GRK1: variants seen among roughly 807,000 people sequenced by gnomAD.
GRK1 encodes the protein rhodopsin kinase GRK1.
GRK1 carries 28 observed loss-of-function variants against 41.7 expected under a neutral mutation model. The ratio of observed to expected loss-of-function variants is 0.67; its 90% CI spans 0.50 to 0.92. The LOEUF is 0.92. GRK1 is among the 40% of genes least tolerant of loss of function. The probability of loss-of-function intolerance (pLI) is 0.00; values close to 1 mark genes in which losing one functional copy is unlikely to be tolerated. For missense variants in GRK1, 703 were observed against 671.2 expected (o/e 1.05, Z -0.52); for synonymous variants, 327 against 286.7 (o/e 1.14, Z -1.42).
chr13:113,667,712 C>T lies in GRK1; in HGVS notation c.326C>T (p.Thr109Ile), dbSNP rs778552256. The stretch of plus-strand genomic sequence containing the variant: ...GACCTCCAGCCACAGAAGGCCCAGA[C>T]CATCCTGGCCCAGTACCTGGACCCC... Reference protein sequence around the residue: ...DNDLQPQKAQTILAQYLDPQA... With the variant: ...DNDLQPQKAQIILAQYLDPQA... The change falls in exon 1 of 7, where the codon ACC (threonine) becomes ATC (isoleucine). Residue 109 changes from threonine to isoleucine, a missense_variant. Thr to Ile is a moderately conservative substitution (Grantham distance 89). Transcript: ENST00000335678. This position sits in a 1 kb window ranked among gnomAD's most constrained non-coding sequence, Gnocchi z 7.5. The T allele has an allele frequency of 3.1e-6, 5 of 1,613,862 alleles. No homozygotes were observed. Among genetic ancestry groups the T allele is most frequent in the Non-Finnish European group, 4.2e-6 (5 of 1,179,904 alleles).
the GRK1 span, chr13:113,650,306 G>A: frequency 3.4e-6 from 4 of 1,186,374 alleles, no homozygotes; most frequent in African/African-American, 1.5e-5. The surrounding 1 kb of genome is among the most constrained non-coding windows in gnomAD (Gnocchi z 5.0). Flanking sequence ...TCACACCTTT[G>A]TTTCATTTTT....
intron 4 of GRK1, among the ~76,000 whole-genome samples, chr13:113,727,395 C>T (rs1275083001): frequency 6.6e-6 from 1 of 151,836 alleles, no homozygotes; most frequent in Non-Finnish European, 1.5e-5. Context: ...TGAGGTGTGG[C>T]CTGTGGTCTG....
intron 5 of GRK1, among the ~76,000 whole-genome samples, chr13:113,732,260 C>T (rs985465203): frequency 6.6e-6 from 1 of 152,182 alleles, no homozygotes; most frequent in Non-Finnish European, 1.5e-5. Context: ...CCACCCCTCT[C>T]CCTTCTGACT....
the GRK1 span, among the ~76,000 whole-genome samples, chr13:113,648,647 GTGTT>G: frequency 6.6e-6 from 1 of 152,218 alleles, no homozygotes; most frequent in African/African-American, 2.4e-5. Flanking sequence ...AACGAGAAGT[GTGTT>G]TGTAACTAAC....
chr13:113,655,842 C>G, the GRK1 span, among the ~76,000 whole-genome samples: 239 of 152,320 alleles, frequency 1.6e-3, no homozygotes, highest in African/African-American at 5.6e-3. Context: ...AGGGCAGGAC[C>G]AAGTCAGAGA....
chr13:113,728,594 C>T (rs1385419527), intron 4 of GRK1, among the ~76,000 whole-genome samples: 1 of 152,166 alleles, frequency 6.6e-6, no homozygotes, highest in Non-Finnish European at 1.5e-5. Context: ...TGCTCATCAC[C>T]ATGGCAGCAT....
the GRK1 span, among the ~76,000 whole-genome samples, chr13:113,655,139 G>A: frequency 7.9e-5 from 12 of 152,260 alleles, no homozygotes; most frequent in African/African-American, 2.9e-4. Flanking sequence ...CACCGGCCAC[G>A]TTCTGCCTCT....
chr13:113,667,341 C>G lies in GRK1; in HGVS notation c.-46C>G. 6.7e-7 allele frequency: 1 copy of G among 1,484,004 alleles called. No homozygotes were observed. 91.9% of individuals were successfully genotyped at this position (1,484,004 alleles called of 1,614,324 possible). On this transcript the variant is annotated 5_prime_UTR_variant, in exon 1 of 7. Coordinates refer to ENST00000335678, the MANE Select transcript of GRK1 (RefSeq NM_002929.3). The surrounding 1 kb of genome is among the most constrained non-coding windows in gnomAD (Gnocchi z 7.5). ...TGTCTGTGAACGCTCCCGGCTTGGCCTCGGCTGATGGGCCCTCACGCCTGA... is the reference window on the plus strand; with the variant it reads ...TGTCTGTGAACGCTCCCGGCTTGGCGTCGGCTGATGGGCCCTCACGCCTGA...
chr13:113,658,322 A>C, the GRK1 span: 19 of 610,896 alleles, frequency 3.1e-5, no homozygotes, highest in Non-Finnish European at 4.8e-5. Flanking sequence ...CTCACCAAAC[A>C]CCAGGGGCTG....
the GRK1 span, chr13:113,651,842 G>T: frequency 1.6e-6 from 2 of 1,213,010 alleles, no homozygotes; most frequent in Non-Finnish European, 2.3e-6. Context: ...TTTCTGACCA[G>T]GACTGAGAAG....
chr13:113,669,677 C>T lies in GRK1; in HGVS notation c.700-10C>T. On this transcript the variant is annotated splice_polypyrimidine_tract_variant and intron_variant, in intron 1 of 6. Coordinates refer to ENST00000335678, the MANE Select transcript of GRK1 (RefSeq NM_002929.3). ...CAAAGCCAGTGCGTACTCAGCGTCT[C>T]ACTTTTCAGGGTGCTATGGTGGAGA... The T allele has an allele frequency of 6.2e-7, 1 of 1,613,898 alleles. No individual in the cohort carries two copies. Among genetic ancestry groups the T allele is most frequent in the Non-Finnish European group, 8.5e-7 (1 of 1,179,804 alleles).
Position 113,667,985 on chromosome 13 carries a change from G to A in GRK1, c.599G>A (p.Gly200Asp), listed in dbSNP as rs779008910. The change falls in exon 1 of 7, where the codon GGC (glycine) becomes GAC (aspartate). Residue 200 changes from glycine to aspartate, a missense_variant. By Grantham distance (94) the Gly-to-Asp change is moderately conservative. Transcript: ENST00000335678. The surrounding 1 kb of genome is among the most constrained non-coding windows in gnomAD (Gnocchi z 7.5). ...GACTTCAGGGTCCTAGGGAAAGGGG[G>A]CTTCGGGGAGGTGTCGGCCTGCCAG... ...FLDFRVLGKGGFGEVSACQMK... is the reference protein window; with the variant it reads ...FLDFRVLGKGDFGEVSACQMK... The A allele has an allele frequency of 6.2e-7, 1 of 1,611,250 alleles. No individual in the cohort carries two copies. The highest frequency in any genetic ancestry group is 1.1e-5 in the South Asian group (1 of 90,654).
In GRK1 at chr13:113,667,672, G is replaced by A. The variant is rs1409971918; in HGVS notation, c.286G>A (p.Asp96Asn). The A allele has an allele frequency of 1.2e-6, 2 of 1,613,636 alleles. No individual in the cohort carries two copies. Among genetic ancestry groups the A allele is most frequent in the Middle Eastern group, 1.6e-4 (1 of 6,062 alleles). The change falls in exon 1 of 7, where the codon GAC (aspartate) becomes AAC (asparagine). Residue 96 changes from aspartate to asparagine, a missense_variant. By Grantham distance (23) the Asp-to-Asn change is conservative. Transcript: ENST00000335678. The surrounding 1 kb of genome is among the most constrained non-coding windows in gnomAD (Gnocchi z 7.5). ...GCTCTGGAAAGACATCGAGGACTAT[G>A]ACACGGCAGACAATGACCTCCAGCC... Reference protein sequence around the residue: ...LELWKDIEDYDTADNDLQPQK... With the variant: ...LELWKDIEDYNTADNDLQPQK...
upstream of GRK1, among the ~76,000 whole-genome samples, chr13:113,666,557 C>T (rs1240001844): frequency 1.3e-5 from 2 of 152,106 alleles, no homozygotes; most frequent in Non-Finnish European, 2.9e-5. Context: ...AGGTGAGCCC[C>T]AGCTGTATTC....
rs2049855722 is a variant in GRK1, at chr13:113,671,391, A to G, written c.828-108A>G. ...CGTAGGGGGGCCAGGCCTCAAAACG[A>G]CCAGAACGCTGGCCGAGAGACATGG... is the stretch of plus-strand genomic sequence containing the variant. On this transcript the variant is annotated intron_variant, in intron 2 of 6. Transcript: ENST00000335678. The surrounding 1 kb of genome is among the most constrained non-coding windows in gnomAD (Gnocchi z 4.1). The G allele has an allele frequency of 1.4e-6, 1 of 737,294 alleles. No individual in the cohort carries two copies. Among genetic ancestry groups the G allele is most frequent in the Non-Finnish European group, 2.5e-6 (1 of 401,978 alleles). The allele number at this position is 737,294 out of a possible 1,614,324, so 45.7% of individuals were successfully genotyped here. A position where few individuals can be genotyped will look rare whatever the true frequency, so the allele number is the denominator to read the frequency against.
At chr13:113,728,120 G>A (rs1365646262) in intron 4 of GRK1, among the ~76,000 whole-genome samples, 7 of 89,708 alleles carry the variant, frequency 7.8e-5, no homozygotes, top group Non-Finnish European at 1.5e-4. Flanking sequence ...AGTACCCATG[G>A]CGATGAGGAG....
In GRK1 at chr13:113,724,949, C is replaced by T. The variant is rs144299641; in HGVS notation, c.1069+1792C>T. On this transcript the variant is annotated intron_variant, in intron 4 of 6. Coordinates refer to ENST00000335678, the MANE Select transcript of GRK1 (RefSeq NM_002929.3). ...GAGTTAACCTCACGGATGGAAAGGG[C>T]CCAGCTTCCAGGCCGAGGGTGAGGG... Among the ~76,000 whole-genome samples, 164 of 152,340 alleles carry T rather than the reference C, an allele frequency of 1.1e-3. No homozygotes were observed. In the Middle Eastern group the frequency reaches 0.017, roughly 16 times the overall value.
At chr13:113,650,167 T>C in the GRK1 span, among the ~76,000 whole-genome samples, 5 of 138,490 alleles carry the variant, frequency 3.6e-5, no homozygotes, top group Admixed American at 7.0e-5. The surrounding 1 kb of genome is among the most constrained non-coding windows in gnomAD (Gnocchi z 5.0). Context: ...CAAGACTGTC[T>C]CAAAAAAAAA....
upstream of GRK1, among the ~76,000 whole-genome samples, chr13:113,664,970 A>C (rs2049808409): frequency 6.6e-6 from 1 of 152,158 alleles, no homozygotes; most frequent in African/African-American, 2.4e-5. The surrounding 1 kb of genome is among the most constrained non-coding windows in gnomAD (Gnocchi z 5.4). Context: ...ACTCACCTCA[A>C]ATATTTACTC....
Sources: allele counts gnomAD v4.1 joint callset (sites outside exome capture counted in the v4.1 genomes callset), GRCh38; gene constraint gnomAD v4.1.1; non-coding constraint Gnocchi (gnomAD v3.1); transcripts MANE v1.5; gene names NCBI Gene and HGNC (gene_info 2026-07-23, HGNC 2026-07-21).